Variants in INTS7 observed in about 807,000 individuals in gnomAD.
INTS7 encodes the protein chromosome 1 open reading frame 73.
A neutral mutation model predicts 109.2 loss-of-function variants in INTS7; 46 were observed. That is an observed-to-expected ratio of 0.42 (90% confidence interval 0.33 to 0.54). The LOEUF (loss-of-function observed/expected upper bound fraction) is 0.54, where lower values mean the gene tolerates loss of function less well. Among genes scored for constraint, INTS7 ranks in the 20% least tolerant of loss-of-function variants. INTS7 has a pLI of 0.07. For missense variants in INTS7, 929 were observed against 1,132.4 expected, an observed-to-expected ratio of 0.82 and a Z score of 2.58; for synonymous variants, 412 against 402.9, an observed-to-expected ratio of 1.02 and a Z score of -0.27.
At chr1:211,978,576 G>A in intron 10 of INTS7, 65 bp from the exon 11 acceptor site, 1 of 1,586,474 alleles carries the variant, frequency 6.3e-7, no homozygotes, top group Non-Finnish European at 8.6e-7. Flanking sequence ...TTAAGGAAAA[G>A]AGCTTTGTAC....
At chr1:211,964,465 A>C (rs1035385883) in intron 16 of INTS7, among the ~76,000 whole-genome samples, 1 of 152,226 alleles carries the variant, frequency 6.6e-6, no homozygotes, top group African/African-American at 2.4e-5. Context: ...AATTAGAAGA[A>C]ACTATTTTAA....
intron 1 of INTS7, among the ~76,000 whole-genome samples, chr1:212,026,565 T>C (rs1428077649): frequency 9.5e-6 from 1 of 104,972 alleles, no homozygotes; most frequent in African/African-American, 3.2e-5. Flanking sequence ...GCAGTGTGGC[T>C]CATGTAGCCT....
chr1:211,997,694 CA>C (rs201462343), intron 7 of INTS7, among the ~76,000 whole-genome samples: 4,157 of 151,946 alleles, frequency 0.027, 79 homozygotes, highest in Non-Finnish European at 0.04. Context: ...GCGTGGCCAA[CA>C]TGGTGAAACC....
At chr1:211,986,504 G>A (rs1664900736) in intron 8 of INTS7, among the ~76,000 whole-genome samples, 1 of 152,050 alleles carries the variant, frequency 6.6e-6, no homozygotes, top group East Asian at 1.9e-4. Flanking sequence ...TAAGAAAAAC[G>A]CCAGGGAGCA....
Position 211,942,203 on chromosome 1 carries a change from C to A in INTS7, c.2602-92G>T. 1 of 1,351,060 alleles carries A rather than the reference C, an allele frequency of 7.4e-7. No individual in the cohort carries two copies. The highest frequency in any genetic ancestry group is 1.0e-6 in the Non-Finnish European group (1 of 978,776). 83.7% of individuals were successfully genotyped at this position (1,351,060 alleles called of 1,614,324 possible). ...GCCCTGTTCTAAGAGCTTATTTAGA[C>A]CATGCAGACAATAAAAAATTAGGTA... On this transcript the variant is annotated intron_variant, in intron 19 of 19. Transcript: ENST00000366994. The surrounding 1 kb of genome is among the most constrained non-coding windows in gnomAD (Gnocchi z 4.2).
intron 15 of INTS7, among the ~76,000 whole-genome samples, chr1:211,966,937 A>C (rs902427989): frequency 1.3e-5 from 2 of 152,158 alleles, no homozygotes; most frequent in Non-Finnish European, 2.9e-5. Context: ...TCTAGTGCTC[A>C]AGAGGTCTGG....
chr1:211,986,357 G>A (rs952382286), intron 8 of INTS7, among the ~76,000 whole-genome samples: 4 of 152,174 alleles, frequency 2.6e-5, no homozygotes, highest in African/African-American at 9.6e-5. Flanking sequence ...CATAATTAGA[G>A]CAAATAAAAA....
chr1:211,978,962 TCA>T (rs1664537067), intron 10 of INTS7, among the ~76,000 whole-genome samples: 3 of 152,246 alleles, frequency 2.0e-5, no homozygotes, highest in East Asian at 3.9e-4. Flanking sequence ...TACTGAGGTT[TCA>T]CAGTTTTAAA....
intron 19 of INTS7, among the ~76,000 whole-genome samples, 200 bp downstream of exon 19, chr1:211,944,584 G>C (rs764492785): frequency 6.6e-6 from 1 of 152,202 alleles, no homozygotes; most frequent in Non-Finnish European, 1.5e-5. Flanking sequence ...TGGATGCTTT[G>C]TCTCTATCAA....
chr1:211,940,443 G>A lies in INTS7; in HGVS notation c.*1381C>T, dbSNP rs1662579499. On this transcript the variant is annotated 3_prime_UTR_variant, in exon 20 of 20. Coordinates refer to ENST00000366994, the MANE Select transcript of INTS7 (RefSeq NM_015434.4). ...ATTTATTTAAAAAGGAAATTCCAGG[G>A]AAAGTACCCTGCTTTACCTTAGGAG... The A allele has an allele frequency of 6.6e-6, 1 of 152,124 alleles. No individual in the cohort carries two copies. The highest frequency in any genetic ancestry group is 1.9e-4 in the East Asian group (1 of 5,196). The allele number at this position is 152,124 out of a possible 1,614,324, so 9.4% of individuals were successfully genotyped here. A position where few individuals can be genotyped will look rare whatever the true frequency, so the allele number is the denominator to read the frequency against.
At chr1:212,021,758 G>C (rs984232081) in intron 1 of INTS7, among the ~76,000 whole-genome samples, 1 of 151,684 alleles carries the variant, frequency 6.6e-6, no homozygotes, top group Non-Finnish European at 1.5e-5. Flanking sequence ...TGAGGTGGAC[G>C]AATCACTTGA....
At position 211,962,561 on chromosome 1, in the gene INTS7, A is replaced by G. The variant is rs551466985; in HGVS notation, c.2183+3869T>C. The stretch of plus-strand genomic sequence containing the variant: ...CATCTACAGAACTCTCCACCCAAAA[A>G]CAACAGAATATACATTGTTCTCATC... On this transcript the variant is annotated intron_variant, in intron 16 of 19. Coordinates refer to ENST00000366994, the MANE Select transcript of INTS7 (RefSeq NM_015434.4). Among the ~76,000 whole-genome samples, 79 of 152,292 alleles carry G rather than the reference A, an allele frequency of 5.2e-4. 1 individual carries two copies. In the South Asian group the frequency reaches 0.016, roughly 32 times the overall value.
intron 13 of INTS7, 96 bp from the exon 14 acceptor site, chr1:211,968,803 G>T: frequency 1.2e-6 from 1 of 840,496 alleles, no homozygotes; most frequent in Admixed American, 2.9e-5. Flanking sequence ...GTCAAGTGCA[G>T]TAGTTCTCTA....
chr1:212,029,060 A>G (rs1667047169), intron 1 of INTS7, among the ~76,000 whole-genome samples: 2 of 152,328 alleles, frequency 1.3e-5, no homozygotes, highest in African/African-American at 2.4e-5. Flanking sequence ...TGAGGTGATG[A>G]ATTCTAGGGA....
intron 7 of INTS7, among the ~76,000 whole-genome samples, chr1:211,989,791 C>T (rs911062909): frequency 6.7e-4 from 99 of 147,820 alleles, no homozygotes; most frequent in African/African-American, 2.4e-3. Flanking sequence ...CACTGTATTC[C>T]AGCCAGGGCG....
At chr1:211,974,276 A>ATACATAT (rs1553249482) in intron 13 of INTS7, among the ~76,000 whole-genome samples, 2 of 92,420 alleles carry the variant, frequency 2.2e-5, no homozygotes, top group African/African-American at 8.5e-5. Flanking sequence ...AGAAAAAAAA[A>ATACATAT]ATATATATAT....
At chr1:211,974,276 A>AATATATATAT (rs58474002) in intron 13 of INTS7, among the ~76,000 whole-genome samples, 108 of 92,322 alleles carry the variant, frequency 1.2e-3, no homozygotes, top group African/African-American at 3.6e-3. Flanking sequence ...AGAAAAAAAA[A>AATATATATAT]ATATATATAT....
At position 211,942,596 on chromosome 1, in the gene INTS7, TC is replaced by T. The variant is rs1271392593; in HGVS notation, c.2602-486del. ...AACACTAAGCAAATTTAAGTTAGGT[TC>T]CCCCCCAACAGTTAGTCTGATTTTT... On this transcript the variant is annotated intron_variant, in intron 19 of 19. Transcript: ENST00000366994. This position sits in a 1 kb window ranked among gnomAD's most constrained non-coding sequence, Gnocchi z 4.2. Among the ~76,000 whole-genome samples the T allele has an allele frequency of 1.3e-5, 2 of 152,046 alleles. No homozygotes were observed. Among genetic ancestry groups the T allele is most frequent in the Non-Finnish European group, 2.9e-5 (2 of 68,012 alleles).
intron 13 of INTS7, among the ~76,000 whole-genome samples, chr1:211,969,443 G>C (rs575268613): frequency 6.6e-6 from 1 of 151,692 alleles, no homozygotes; most frequent in Admixed American, 6.6e-5. Flanking sequence ...AAAGATAAGG[G>C]CAGGAGGAAT....
Sources: gnomAD v4.1 joint callset for allele counts (sites outside exome capture counted in the v4.1 genomes callset) on GRCh38, gnomAD v4.1.1 for gene constraint, Gnocchi (gnomAD v3.1) non-coding constraint, MANE v1.5 for transcripts, NCBI Gene and HGNC (gene_info 2026-07-23, HGNC 2026-07-21) for gene names.